Variants in DPRX observed in about 807,000 individuals in gnomAD.
The protein encoded by DPRX is divergent paired-related homeobox.
DPRX carries 11 observed loss-of-function variants against 8.4 expected under a neutral mutation model. The observed-to-expected ratio is 1.31, with a 90% CI of 0.82 to 2.17. DPRX has a LOEUF of 2.17. DPRX is among the 30% of genes most tolerant of loss of function. DPRX has a pLI of 0.00. For synonymous variants in DPRX, 72 were observed against 87.0 expected (o/e 0.83, Z 0.96); for missense variants, 211 against 236.7 (o/e 0.89, Z 0.71).
the DPRX span, among the ~76,000 whole-genome samples, chr19:53,611,817 C>CT: frequency 6.6e-6 from 1 of 152,154 alleles, no homozygotes; most frequent in Non-Finnish European, 1.5e-5. Context: ...GGCGCAGTGG[C>CT]TCACGCCTGG....
the DPRX span, among the ~76,000 whole-genome samples, chr19:53,610,617 G>A: frequency 6.6e-6 from 1 of 152,130 alleles, no homozygotes; most frequent in African/African-American, 2.4e-5. Flanking sequence ...AGGTGCAAGG[G>A]CTGATGTGGA....
the DPRX span, among the ~76,000 whole-genome samples, chr19:53,609,186 G>A: frequency 1.3e-5 from 2 of 151,802 alleles, no homozygotes; most frequent in Non-Finnish European, 2.9e-5. Flanking sequence ...ACAGACATAT[G>A]GCTGGGTATT....
chr19:53,632,044 G>C (rs917330987), upstream of DPRX: 3 of 1,610,846 alleles, frequency 1.9e-6, no homozygotes, highest in Admixed American at 5.0e-5. Flanking sequence ...ACTTAAATCC[G>C]GATTTGATCT....
chr19:53,601,539 T>C, the DPRX span, among the ~76,000 whole-genome samples: 4 of 149,872 alleles, frequency 2.7e-5, no homozygotes, highest in East Asian at 6.0e-4. Flanking sequence ...TGGAGTGCAG[T>C]GGCGCGATCT....
chr19:53,633,483 G>A (rs559145703), intron 1 of DPRX, among the ~76,000 whole-genome samples: 42 of 152,020 alleles, frequency 2.8e-4, no homozygotes, highest in African/African-American at 4.1e-4. Context: ...AGGCACAAGC[G>A]ATCCCTTATT....
chr19:53,603,376 C>A, the DPRX span: 3 of 456,526 alleles, frequency 6.6e-6, no homozygotes, highest in Middle Eastern at 6.5e-4. Flanking sequence ...CATCCATAGA[C>A]GATGCGGCCC....
chr19:53,617,812 T>C, the DPRX span, among the ~76,000 whole-genome samples: 2 of 152,106 alleles, frequency 1.3e-5, no homozygotes, highest in Non-Finnish European at 2.9e-5. Flanking sequence ...CCAATGATGA[T>C]GAGTGGCATT....
chr19:53,617,943 G>T, the DPRX span, among the ~76,000 whole-genome samples: 16 of 152,084 alleles, frequency 1.1e-4, no homozygotes, highest in African/African-American at 3.6e-4. Context: ...TTCCAGACCA[G>T]CCTGGCCACC....
the DPRX span, among the ~76,000 whole-genome samples, chr19:53,611,094 G>T: frequency 2.6e-5 from 4 of 151,896 alleles, no homozygotes; most frequent in Non-Finnish European, 4.4e-5. Flanking sequence ...TAGAGACAAG[G>T]TTTCACCATG....
chr19:53,601,189 C>A, the DPRX span: 2 of 453,116 alleles, frequency 4.4e-6, no homozygotes, highest in African/African-American at 4.0e-5. Flanking sequence ...CCTGAGACAG[C>A]TATAGGGAAA....
the DPRX span, among the ~76,000 whole-genome samples, chr19:53,626,560 G>GA: frequency 6.6e-6 from 1 of 151,976 alleles, no homozygotes; most frequent in Non-Finnish European, 1.5e-5. Flanking sequence ...TCTCCAAAAA[G>GA]AAAAAAAGAC....
chr19:53,633,682 G>A (rs943412788), intron 1 of DPRX, among the ~76,000 whole-genome samples: 1 of 152,048 alleles, frequency 6.6e-6, no homozygotes, highest in Non-Finnish European at 1.5e-5. Context: ...GCTAATTTTT[G>A]TACTTTTAGT....
At chr19:53,632,863 A>G (rs2091098439) in intron 1 of DPRX, among the ~76,000 whole-genome samples, 1 of 152,200 alleles carries the variant, frequency 6.6e-6, no homozygotes, top group Non-Finnish European at 1.5e-5. Flanking sequence ...GTTCTTGAGC[A>G]CAGGGGAATC....
chr19:53,623,314 T>TAAAATA, the DPRX span, among the ~76,000 whole-genome samples: 10 of 105,598 alleles, frequency 9.5e-5, no homozygotes, highest in African/African-American at 3.4e-4. Context: ...CTCAAAAAAA[T>TAAAATA]AAATAAATAA....
chr19:53,616,321 T>C, the DPRX span, among the ~76,000 whole-genome samples: 1 of 152,202 alleles, frequency 6.6e-6, no homozygotes, highest in East Asian at 1.9e-4. Context: ...CATGAAGCTC[T>C]TCTGTAAACT....
At chr19:53,610,324 AAAGAAAAAAG>A in the DPRX span, among the ~76,000 whole-genome samples, 66,393 of 127,090 alleles carry the variant, frequency 0.52, 14,910 homozygotes, top group Admixed American at 0.6. Context: ...TGTCTCGAAA[AAAGAAAAAAG>A]AAGAAGGAAA....
chr19:53,612,977 C>G, the DPRX span, among the ~76,000 whole-genome samples: 2 of 151,994 alleles, frequency 1.3e-5, no homozygotes, highest in African/African-American at 2.4e-5. Flanking sequence ...ACAGGAATTC[C>G]TTTATGGTCA....
the DPRX span, among the ~76,000 whole-genome samples, chr19:53,602,941 T>C: frequency 0.36 from 54,904 of 151,318 alleles, 11,343 homozygotes; most frequent in East Asian, 0.65. Context: ...CCTTCTAAAG[T>C]GAGCCACCAC....
chr19:53,631,523 C>T (rs1301371568), upstream of DPRX, among the ~76,000 whole-genome samples: 1 of 152,034 alleles, frequency 6.6e-6, no homozygotes, highest in Non-Finnish European at 1.5e-5. Context: ...GATCCCACCC[C>T]AGACCGAGTC....
Sources: allele counts gnomAD v4.1 joint callset (sites outside exome capture counted in the v4.1 genomes callset), GRCh38; gene constraint gnomAD v4.1.1; transcripts MANE v1.5; gene names NCBI Gene and HGNC (gene_info 2026-07-23, HGNC 2026-07-21).